The following PRH1 variants were observed in gnomAD, a reference collection of about 807,000 sequenced individuals.
PRH1 encodes the protein salivary acidic proline-rich phosphoprotein 1/2.
Under a neutral mutation model 7.9 loss-of-function variants are expected in PRH1, and 7 were observed. That is an observed-to-expected ratio of 0.89 (90% CI 0.50 to 1.67). PRH1 has a LOEUF of 1.67. PRH1 is among the 40% of genes most tolerant of loss of function. PRH1 has a pLI of 0.00. For missense variants in PRH1, 109 were observed against 223.6 expected (o/e 0.49, Z 3.27); for synonymous variants, 45 against 80.8 (o/e 0.56, Z 2.38).
chr12:10,997,388 G>C, intron 1 of PRH1: 1 of 1,614,112 alleles, frequency 6.2e-7, no homozygotes, highest in Non-Finnish European at 8.5e-7. Flanking sequence ...GATCTTCCAA[G>C]TTACGTTTCC....
chr12:10,919,686 T>G (rs759913277), intron 2 of PRH1, among the ~76,000 whole-genome samples: 1 of 151,950 alleles, frequency 6.6e-6, no homozygotes, highest in Non-Finnish European at 1.5e-5. Context: ...TTTTTTTTTG[T>G]TGATTTCTAA....
chr12:10,938,452 C>CATATCAGTTTCATAT (rs762146234), intron 2 of PRH1: 1 of 1,614,014 alleles, frequency 6.2e-7, no homozygotes, highest in South Asian at 1.1e-5. Context: ...TTTCAGAGGT[C>CATATCAGTTTCATAT]CAAACTGATA....
intron 1 of PRH1, among the ~76,000 whole-genome samples, chr12:10,978,286 C>T (rs1310315621): frequency 1.3e-5 from 2 of 152,056 alleles, no homozygotes; most frequent in African/African-American, 4.8e-5. Context: ...ATCTGATCTT[C>T]AACAAAGTTA....
At chr12:11,136,931 G>C (rs958047978) in intron 1 of PRH1, among the ~76,000 whole-genome samples, 1 of 152,086 alleles carries the variant, frequency 6.6e-6, no homozygotes, top group Non-Finnish European at 1.5e-5. Flanking sequence ...TAAATTTTTA[G>C]TATACCTGAC....
chr12:10,932,381 A>G, intron 2 of PRH1: 2 of 249,636 alleles, frequency 8.0e-6, no homozygotes, highest in Admixed American at 6.8e-5. Context: ...ACCCATGTTC[A>G]CATTGTAAGA....
chr12:11,119,628 T>A (rs576585171), downstream of PRH1, among the ~76,000 whole-genome samples: 56 of 152,256 alleles, frequency 3.7e-4, no homozygotes, highest in South Asian at 8.3e-4. Context: ...TAAGGTAAAC[T>A]AATATGCCCA....
chr12:10,891,126 G>C (rs981160869), intron 2 of PRH1, among the ~76,000 whole-genome samples: 12 of 152,124 alleles, frequency 7.9e-5, no homozygotes. Context: ...TAAAGCAATT[G>C]ACATCAGAAT....
At chr12:10,990,202 G>A (rs572377742) in intron 1 of PRH1, among the ~76,000 whole-genome samples, 34 of 152,248 alleles carry the variant, frequency 2.2e-4, no homozygotes, top group Admixed American at 3.3e-4. Context: ...AAGGTGCCAA[G>A]AACATACTCT....
chr12:10,930,430 C>A, intron 2 of PRH1: 1 of 1,461,972 alleles, frequency 6.8e-7, no homozygotes, highest in Non-Finnish European at 9.4e-7. Context: ...GAGATATAAA[C>A]AGTTTTCTCC....
At chr12:10,913,960 C>T (rs1322699246) in intron 2 of PRH1, among the ~76,000 whole-genome samples, 1 of 152,172 alleles carries the variant, frequency 6.6e-6, no homozygotes, top group Non-Finnish European at 1.5e-5. Flanking sequence ...CTTGTTAGTA[C>T]AGCATAGACT....
intron 1 of PRH1, among the ~76,000 whole-genome samples, chr12:11,103,043 C>T (rs1299962692): frequency 6.6e-6 from 1 of 152,176 alleles, no homozygotes; most frequent in Non-Finnish European, 1.5e-5. Context: ...CAGGAAACAA[C>T]AGGTGCTGGA....
chr12:10,897,778 C>CCTCCTAGAGGGCTGGA (rs1949669455), intron 2 of PRH1, among the ~76,000 whole-genome samples: 1 of 152,164 alleles, frequency 6.6e-6, no homozygotes, highest in Admixed American at 6.5e-5. Context: ...ACTATTGCCA[C>CCTCCTAGAGGGCTGGA]ACCACCACCA....
chr12:10,981,887 TTC>T (rs1939376346), intron 1 of PRH1, among the ~76,000 whole-genome samples: 2 of 127,088 alleles, frequency 1.6e-5, no homozygotes, highest in Non-Finnish European at 1.8e-5. Context: ...TTTTTACAGA[TTC>T]TTACTATGTT....
At chr12:11,061,342 T>A (rs1409429201) in intron 1 of PRH1, 1 of 1,592,610 alleles carries the variant, frequency 6.3e-7, no homozygotes, top group Non-Finnish European at 8.5e-7. Flanking sequence ...TGCTAGAAGA[T>A]ACACAATGCT....
intron 1 of PRH1, among the ~76,000 whole-genome samples, chr12:11,155,198 T>C (rs115141700): frequency 0.015 from 2,332 of 152,350 alleles, 19 homozygotes; most frequent in South Asian, 0.031. Context: ...GGAGAAAAAG[T>C]AACTTGCACT....
At chr12:10,892,294 C>A (rs1373921611) in intron 2 of PRH1, among the ~76,000 whole-genome samples, 1 of 152,164 alleles carries the variant, frequency 6.6e-6, no homozygotes, top group Non-Finnish European at 1.5e-5. Context: ...TACACAGTTG[C>A]CAAAGATTGT....
chr12:10,996,256 G>C (rs989866681), intron 1 of PRH1, among the ~76,000 whole-genome samples: 2 of 151,668 alleles, frequency 1.3e-5, no homozygotes, highest in Admixed American at 6.6e-5. Context: ...TTGAACCCCA[G>C]AGGTGAACGT....
Position 10,997,601 on chromosome 12 carries a change from T to C in PRH1, c.-125-23880A>G, listed in dbSNP as rs1250582957. 3.1e-6 allele frequency: 5 copies of C among 1,614,076 alleles called. No homozygotes were observed. Among genetic ancestry groups the C allele is most frequent in the Non-Finnish European group, 4.2e-6 (5 of 1,179,968 alleles). ...AGTAGCAAGCCAGATGCTGAAATGA[T>C]TGGTTACTGCCCAGGCATTAGAAAT... On this transcript the variant is annotated intron_variant, in intron 1 of 3. Coordinates refer to the PRH1 transcript ENST00000539853.
chr12:11,138,219 T>G (rs887134299), intron 1 of PRH1, among the ~76,000 whole-genome samples: 1 of 152,182 alleles, frequency 6.6e-6, no homozygotes, highest in Non-Finnish European at 1.5e-5. Context: ...ATTTCATCTT[T>G]TAATAGCATC....
Sources: gnomAD v4.1 joint callset for allele counts (sites outside exome capture counted in the v4.1 genomes callset) on GRCh38, gnomAD v4.1.1 for gene constraint, MANE v1.5 for transcripts, NCBI Gene and HGNC (gene_info 2026-07-23, HGNC 2026-07-21) for gene names.